Variants in SH3KBP1 observed in about 807,000 individuals in gnomAD.
SH3KBP1 encodes SH3 domain containing kinase binding protein 1, also known as SH3 domain-containing kinase-binding protein 1.
Under a neutral mutation model 50.1 loss-of-function variants are expected in SH3KBP1, and 8 were observed. The observed-to-expected ratio is 0.16, with a 90% CI of 0.09 to 0.29. The LOEUF (loss-of-function observed/expected upper bound fraction) is 0.29, where lower values mean the gene tolerates loss of function less well. Ranked by LOEUF, SH3KBP1 falls within the 10% of genes least tolerant of loss-of-function variation. The pLI is 1.00. For synonymous variants in SH3KBP1, 227 were observed against 218.6 expected (o/e 1.04, Z -0.34); for missense variants, 377 against 535.2 (o/e 0.70, Z 2.92).
intron 2 of SH3KBP1, among the ~76,000 whole-genome samples, chrX:19,830,592 ACATAATT>A (rs1463270821): frequency 9.1e-6 from 1 of 109,375 alleles, no homozygotes; most frequent in Non-Finnish European, 1.9e-5. Flanking sequence ...CCCTGTCTCT[ACATAATT>A]TTTTTTTTTT....
chrX:19,820,171 T>A (rs2067484923), intron 2 of SH3KBP1, among the ~76,000 whole-genome samples: 1 of 112,148 alleles, frequency 8.9e-6, no homozygotes, highest in African/African-American at 3.2e-5. Context: ...TTGAAAAAAA[T>A]GTGTTTTGTG....
chrX:19,748,781 C>T (rs888337782), intron 2 of SH3KBP1, among the ~76,000 whole-genome samples: 1 of 110,671 alleles, frequency 9.0e-6, no homozygotes, highest in Non-Finnish European at 1.9e-5. Flanking sequence ...CTCCAACCTG[C>T]CCCTTCTCCC....
At chrX:19,799,863 T>G in intron 2 of SH3KBP1, 2 of 951,993 alleles carry the variant, frequency 2.1e-6, no homozygotes, top group Non-Finnish European at 2.7e-6. Flanking sequence ...TGGTGGTTTT[T>G]TTGTAATTCT....
chrX:19,747,567 C>A (rs2064952312), intron 2 of SH3KBP1: 4 of 335,374 alleles, frequency 1.2e-5, no homozygotes, highest in South Asian at 1.1e-4. Flanking sequence ...ATGACTAGGC[C>A]CGAGCAGAGG....
At chrX:19,876,891 A>T (rs966788069) in intron 1 of SH3KBP1, among the ~76,000 whole-genome samples, 2 of 112,015 alleles carry the variant, frequency 1.8e-5, no homozygotes, top group African/African-American at 6.5e-5. Context: ...AGATGAAGAC[A>T]GTGTGAACTG....
At position 19,592,055 on chromosome X, in the gene SH3KBP1, T is replaced by C. The variant is rs188793845; in HGVS notation, c.1138+12A>G. On this transcript the variant is annotated intron_variant, in intron 11 of 17. Coordinates refer to ENST00000397821, the MANE Select transcript of SH3KBP1 (RefSeq NM_031892.3). ...CTGTTCTGGAAGTGCCAATGAAGAA[T>C]TGATTTCATACCTTTTTCTTCTGTT... 407 of 1,181,674 alleles carry C rather than the reference T, an allele frequency of 3.4e-4. 3 individuals are homozygous for C. The African/African-American group carries it at 5.9e-3, about 17-fold the overall frequency.
intron 3 of SH3KBP1, among the ~76,000 whole-genome samples, chrX:19,711,578 G>A (rs1356677761): frequency 9.1e-6 from 1 of 109,356 alleles, no homozygotes; most frequent in Non-Finnish European, 1.9e-5. Flanking sequence ...CACTTATAAA[G>A]CTTCCCACCC....
intron 6 of SH3KBP1, among the ~76,000 whole-genome samples, chrX:19,665,449 A>G (rs2062573945): frequency 8.9e-6 from 1 of 112,075 alleles, no homozygotes; most frequent in Admixed American, 9.5e-5. Flanking sequence ...TTGATAAAGA[A>G]GTGTCTTTTA....
intron 12 of SH3KBP1, among the ~76,000 whole-genome samples, chrX:19,576,962 A>G (rs959684805): frequency 1.8e-5 from 2 of 111,951 alleles, no homozygotes; most frequent in African/African-American, 3.2e-5. Flanking sequence ...TCAGCCCAAC[A>G]TGGGATGACT....
At chrX:19,692,624 C>CAT (rs1491256462) in intron 5 of SH3KBP1, among the ~76,000 whole-genome samples, 3 of 68,710 alleles carry the variant, frequency 4.4e-5, no homozygotes, top group Admixed American at 1.8e-4. Flanking sequence ...TATATACATA[C>CAT]GTGTGTGTGT....
intron 2 of SH3KBP1, among the ~76,000 whole-genome samples, chrX:19,818,833 G>A (rs183650098): frequency 6.6e-4 from 74 of 111,517 alleles, no homozygotes; most frequent in African/African-American, 2.3e-3. Flanking sequence ...ATACTTTGCT[G>A]AGGACTTTTG....
chrX:19,834,608 T>G (rs189597283), intron 2 of SH3KBP1, among the ~76,000 whole-genome samples: 40 of 112,670 alleles, frequency 3.6e-4, no homozygotes, highest in Non-Finnish European at 6.6e-4. Flanking sequence ...ATGAGTTACA[T>G]TTTTATAATT....
chrX:19,832,838 T>A (rs1340175875), intron 2 of SH3KBP1, among the ~76,000 whole-genome samples: 2 of 111,000 alleles, frequency 1.8e-5, no homozygotes, highest in Non-Finnish European at 3.8e-5. Flanking sequence ...CAGCAAGGAG[T>A]CCTCTCCGAG....
At chrX:19,859,507 A>T (rs1358249943) in intron 1 of SH3KBP1, among the ~76,000 whole-genome samples, 1 of 112,078 alleles carries the variant, frequency 8.9e-6, no homozygotes, top group East Asian at 2.8e-4. Flanking sequence ...GCAAGGTAAG[A>T]TATATTTCTT....
At chrX:19,759,739 A>G (rs2065320050) in intron 2 of SH3KBP1, among the ~76,000 whole-genome samples, 3 of 108,946 alleles carry the variant, frequency 2.8e-5, no homozygotes, top group Non-Finnish European at 5.7e-5. Flanking sequence ...GGAGAAGAGG[A>G]GGGGTGGGTT....
chrX:19,831,412 C>CAAAAAAAAAAAAA (rs1168426297), intron 2 of SH3KBP1, among the ~76,000 whole-genome samples: 1 of 47,638 alleles, frequency 2.1e-5, no homozygotes, highest in African/African-American at 7.9e-5. Context: ...CAACCCATCT[C>CAAAAAAAAAAAAA]AAAAAAAAAA....
intron 7 of SH3KBP1, among the ~76,000 whole-genome samples, chrX:19,643,589 A>G (rs2061922115): frequency 9.1e-6 from 1 of 110,061 alleles, no homozygotes; most frequent in Admixed American, 9.7e-5. Context: ...GTCTGTCAAT[A>G]AACATCCCTC....
At chrX:19,548,270 C>A (rs1442433621) in intron 14 of SH3KBP1, among the ~76,000 whole-genome samples, 1 of 112,306 alleles carries the variant, frequency 8.9e-6, no homozygotes, top group Non-Finnish European at 1.9e-5. Context: ...TAATTTAAAC[C>A]TTTCTGTAAT....
At chrX:19,884,636 C>T (rs1391622260) in intron 1 of SH3KBP1, among the ~76,000 whole-genome samples, 1 of 112,688 alleles carries the variant, frequency 8.9e-6, no homozygotes, top group Non-Finnish European at 1.9e-5. Context: ...ATACAGCAGT[C>T]TACCGCCAAT....
Sources: allele counts gnomAD v4.1 joint callset (sites outside exome capture counted in the v4.1 genomes callset), GRCh38; gene constraint gnomAD v4.1.1; transcripts MANE v1.5; gene names NCBI Gene and HGNC (gene_info 2026-07-23, HGNC 2026-07-21).